Variants in PRKG1 observed in about 807,000 individuals in gnomAD.
PRKG1 encodes protein kinase cGMP-dependent 1, also known as cGMP-dependent protein kinase 1.
PRKG1 carries 35 observed loss-of-function variants against 88.1 expected under a neutral mutation model. That is an observed-to-expected ratio of 0.40 (90% CI 0.30 to 0.53). The LOEUF (loss-of-function observed/expected upper bound fraction) is 0.53. Among genes scored for constraint, PRKG1 ranks in the 20% least tolerant of loss-of-function variants. The pLI, the probability that PRKG1 is intolerant of heterozygous loss-of-function variation, is 0.59. For missense variants in PRKG1, 540 were observed against 839.8 expected (o/e 0.64, Z 4.41); for synonymous variants, 303 against 292.5 (o/e 1.04, Z -0.37).
intron 2 of PRKG1, among the ~76,000 whole-genome samples, chr10:51,258,958 T>C (rs1839634348): frequency 6.6e-6 from 1 of 152,242 alleles, no homozygotes; most frequent in Non-Finnish European, 1.5e-5. Context: ...AATATTTTAC[T>C]TTTTGAATAT....
chr10:51,346,931 C>T (rs1842125699), intron 2 of PRKG1, among the ~76,000 whole-genome samples: 1 of 152,062 alleles, frequency 6.6e-6, no homozygotes, highest in Non-Finnish European at 1.5e-5. Flanking sequence ...TACTCAGTAA[C>T]AAATTTATTT....
At chr10:51,332,145 G>A (rs1841757686) in intron 2 of PRKG1, among the ~76,000 whole-genome samples, 1 of 152,176 alleles carries the variant, frequency 6.6e-6, no homozygotes, top group Non-Finnish European at 1.5e-5. Context: ...GTATGCTTTT[G>A]AAGATTTTTG....
intron 2 of PRKG1, among the ~76,000 whole-genome samples, chr10:51,282,372 G>C (rs1380329150): frequency 6.6e-6 from 1 of 152,126 alleles, no homozygotes; most frequent in Admixed American, 6.5e-5. Flanking sequence ...TATATATAGA[G>C]AGAGAGATGT....
chr10:51,590,205 G>A (rs1838275923), intron 3 of PRKG1, among the ~76,000 whole-genome samples: 1 of 152,186 alleles, frequency 6.6e-6, no homozygotes, highest in Admixed American at 6.5e-5. Flanking sequence ...AGTCAAAGTT[G>A]TAGATCCAGA....
chr10:52,272,905 A>AT (rs1395140769), intron 12 of PRKG1, among the ~76,000 whole-genome samples: 3 of 151,944 alleles, frequency 2.0e-5, no homozygotes, highest in African/African-American at 7.2e-5. Flanking sequence ...GACATTGTGA[A>AT]TTTTTTCCAA....
chr10:51,125,657 T>C (rs1845377226), intron 1 of PRKG1, among the ~76,000 whole-genome samples: 1 of 148,686 alleles, frequency 6.7e-6, no homozygotes, highest in African/African-American at 2.4e-5. Context: ...ACTCCAGCCT[T>C]GGCAACGGAG....
chr10:51,536,549 C>T (rs1416173102), intron 3 of PRKG1, among the ~76,000 whole-genome samples: 1 of 152,080 alleles, frequency 6.6e-6, no homozygotes, highest in Non-Finnish European at 1.5e-5. Flanking sequence ...TTAGGTTCCA[C>T]TTGCCAATTT....
chr10:51,628,974 A>AAAAG (rs1554827087), intron 3 of PRKG1, among the ~76,000 whole-genome samples: 1 of 141,960 alleles, frequency 7.0e-6, no homozygotes, highest in Non-Finnish European at 1.6e-5. Context: ...TCAAAAAAAA[A>AAAAG]AAAAACAAAA....
intron 7 of PRKG1, among the ~76,000 whole-genome samples, chr10:52,065,851 T>C (rs1426236496): frequency 6.6e-6 from 1 of 152,220 alleles, no homozygotes; most frequent in African/African-American, 2.4e-5. Flanking sequence ...GGTGGCATTT[T>C]ATAGAAAGAC....
intron 7 of PRKG1, among the ~76,000 whole-genome samples, chr10:52,084,961 A>T (rs1846874917): frequency 6.6e-6 from 1 of 151,974 alleles, no homozygotes; most frequent in Non-Finnish European, 1.5e-5. Flanking sequence ...TTTATTTTAC[A>T]TTGTCACTCA....
chr10:51,555,548 A>T (rs751211672), intron 3 of PRKG1, among the ~76,000 whole-genome samples: 1 of 151,960 alleles, frequency 6.6e-6, no homozygotes, highest in Non-Finnish European at 1.5e-5. Flanking sequence ...CTCCCAGGCC[A>T]TAGTTTCAGA....
At chr10:51,308,295 A>G (rs1010901483) in intron 2 of PRKG1, among the ~76,000 whole-genome samples, 3 of 152,184 alleles carry the variant, frequency 2.0e-5, no homozygotes, top group Non-Finnish European at 4.4e-5. Context: ...CTTAGCTAGA[A>G]ACAGGTCTCT....
At chr10:51,574,007 T>C (rs1837822442) in intron 3 of PRKG1, among the ~76,000 whole-genome samples, 1 of 151,934 alleles carries the variant, frequency 6.6e-6, no homozygotes, top group African/African-American at 2.4e-5. Flanking sequence ...TGTTCACACA[T>C]GTAAAAATGT....
intron 4 of PRKG1, among the ~76,000 whole-genome samples, chr10:51,833,063 T>C (rs10508957): frequency 0.14 from 20,919 of 152,080 alleles, 1,940 homozygotes; most frequent in African/African-American, 0.26. Context: ...ACTTAAATGA[T>C]GTTGTGATTG....
chr10:52,076,103 G>T (rs1051604530), intron 7 of PRKG1, among the ~76,000 whole-genome samples: 2 of 152,158 alleles, frequency 1.3e-5, no homozygotes, highest in Non-Finnish European at 2.9e-5. Flanking sequence ...AGAAAAAAAT[G>T]AACTTGAATC....
chr10:52,036,784 A>T, intron 5 of PRKG1, among the ~76,000 whole-genome samples: 1 of 152,082 alleles, frequency 6.6e-6, no homozygotes, highest in Non-Finnish European at 1.5e-5. Context: ...AGGAGTGCTT[A>T]AAAGAGTATT....
chr10:51,716,399 G>T (rs1589227646), intron 3 of PRKG1, among the ~76,000 whole-genome samples: 1 of 152,128 alleles, frequency 6.6e-6, no homozygotes, highest in Admixed American at 6.5e-5. Flanking sequence ...TTAAGCCCAG[G>T]TATCTGGACA....
chr10:52,149,754 T>C (rs756286781), intron 8 of PRKG1, among the ~76,000 whole-genome samples: 12 of 152,174 alleles, frequency 7.9e-5, no homozygotes, highest in Non-Finnish European at 1.6e-4. Context: ...CATTTTGTTA[T>C]GGCAGCCTCA....
chr10:51,153,381 T>C, intron 2 of PRKG1, 51 bp downstream of exon 2: 2 of 1,517,626 alleles, frequency 1.3e-6, no homozygotes, highest in Non-Finnish European at 8.9e-7. Flanking sequence ...TTTTTTCATC[T>C]TATCAGCTGC....
Sources: gnomAD v4.1 joint callset for allele counts (sites outside exome capture counted in the v4.1 genomes callset) on GRCh38, gnomAD v4.1.1 for gene constraint, MANE v1.5 for transcripts, NCBI Gene and HGNC (gene_info 2026-07-23, HGNC 2026-07-21) for gene names.